ICA1L: variants seen among roughly 807,000 people sequenced by gnomAD.
The protein encoded by ICA1L is islet cell autoantigen 1 like.
In ICA1L, 50 loss-of-function variants were observed where a neutral mutation model predicts 61.3. The ratio of observed to expected loss-of-function variants is 0.82; its 90% CI spans 0.65 to 1.03. The LOEUF is 1.03. ICA1L is among the 50% of genes least tolerant of loss of function. ICA1L has a pLI of 0.00. For missense variants in ICA1L, 508 were observed against 556.7 expected (o/e 0.91, Z 0.88); for synonymous variants, 161 against 191.3 (o/e 0.84, Z 1.31).
At chr2:202,837,687 T>C (rs1349672631) in intron 1 of ICA1L, among the ~76,000 whole-genome samples, 2 of 152,108 alleles carry the variant, frequency 1.3e-5, no homozygotes, top group African/African-American at 2.4e-5. Context: ...GCTTAGTTTG[T>C]TCATCTTTTT....
At chr2:202,800,317 T>C (rs1693056644) in intron 9 of ICA1L, among the ~76,000 whole-genome samples, 1 of 152,172 alleles carries the variant, frequency 6.6e-6, no homozygotes, top group Non-Finnish European at 1.5e-5. Context: ...GCATACTCTT[T>C]TGTGATCAAA....
At position 202,779,455 on chromosome 2, in the gene ICA1L, A is replaced by G. The variant is rs1692325468; in HGVS notation, c.*78T>C. On this transcript the variant is annotated 3_prime_UTR_variant, in exon 13 of 13. Coordinates refer to ENST00000358299, the MANE Select transcript of ICA1L (RefSeq NM_001288622.3). ...CACCGTGCTTTTGTGTGCGGGTTACAATCTAAATCCTTTCCACGAAGGAAA... is the reference window on the plus strand; with the variant it reads ...CACCGTGCTTTTGTGTGCGGGTTACGATCTAAATCCTTTCCACGAAGGAAA... 2.4e-6 allele frequency: 2 copies of G among 845,636 alleles called. No individual in the cohort carries two copies. Among genetic ancestry groups the G allele is most frequent in the Admixed American group, 4.9e-5 (2 of 40,526 alleles). The allele number at this position is 845,636 out of a possible 1,614,324, so 52.4% of individuals were successfully genotyped here.
chr2:202,813,425 C>T (rs924049473), intron 8 of ICA1L, among the ~76,000 whole-genome samples: 6 of 152,028 alleles, frequency 3.9e-5, no homozygotes, highest in African/African-American at 1.4e-4. Flanking sequence ...TGTCTTAGTT[C>T]ATTTTGTGTT....
chr2:202,818,753 A>G (rs1693613702), intron 5 of ICA1L, among the ~76,000 whole-genome samples: 1 of 152,122 alleles, frequency 6.6e-6, no homozygotes, highest in African/African-American at 2.4e-5. Context: ...TTCTATGATG[A>G]TTGTGAGGCC....
intron 1 of ICA1L, among the ~76,000 whole-genome samples, chr2:202,861,883 CAAAAA>C (rs71030996): frequency 7.3e-5 from 3 of 40,924 alleles, no homozygotes; most frequent in East Asian, 7.4e-4. Context: ...GATTCAGACT[CAAAAA>C]AAAAAAAAAA....
At chr2:202,783,742 C>T (rs1318991196) in intron 12 of ICA1L, among the ~76,000 whole-genome samples, 1 of 152,074 alleles carries the variant, frequency 6.6e-6, no homozygotes, top group Non-Finnish European at 1.5e-5. Flanking sequence ...AGATAATGGT[C>T]CTATGGCAAT....
At chr2:202,791,267 C>A (rs1299589250) in intron 10 of ICA1L, among the ~76,000 whole-genome samples, 2 of 151,998 alleles carry the variant, frequency 1.3e-5, no homozygotes, top group Non-Finnish European at 2.9e-5. Flanking sequence ...CTGGAAGAAG[C>A]AAAAATGATA....
rs145290279 is a variant in ICA1L, at chr2:202,783,918, A to G, written c.1333+2000T>C. ...TATGTATATGATGGGGGGGTGGGGA[A>G]GAAAGAGGATGAGTGTAAAGCAAAC... On this transcript the variant is annotated intron_variant, in intron 12 of 12. Transcript: ENST00000358299. Among the ~76,000 whole-genome samples, 259 of 152,166 alleles carry G rather than the reference A, an allele frequency of 1.7e-3. 1 individual carries two copies. Among genetic ancestry groups the G allele is most frequent in the African/African-American group, 5.5e-3 (230 of 41,538 alleles).
intron 1 of ICA1L, among the ~76,000 whole-genome samples, chr2:202,839,558 CTGTGTGTGTGTGTG>C (rs57535958): frequency 0.12 from 13,903 of 114,172 alleles, 912 homozygotes; most frequent in East Asian, 0.28. Flanking sequence ...ACAGTTAAGT[CTGTGTGTGTGTGTG>C]TGTGTGTGTG....
chr2:202,834,345 G>C (rs569499151), intron 1 of ICA1L, among the ~76,000 whole-genome samples: 2 of 152,120 alleles, frequency 1.3e-5, no homozygotes, highest in African/African-American at 4.8e-5. Context: ...AACATGCATA[G>C]AGGCCGGGTG....
chr2:202,802,136 A>T (rs1338349062), intron 9 of ICA1L, among the ~76,000 whole-genome samples: 1 of 152,218 alleles, frequency 6.6e-6, no homozygotes, highest in Non-Finnish European at 1.5e-5. Context: ...ATAAAACAAC[A>T]AATAGAACTT....
In ICA1L at chr2:202,773,397, C is replaced by T. The variant is rs767389986; in HGVS notation, c.*6136G>A. ...ACCAAAGACCTTGAAGCTAAACAAA[C>T]AAAGAAAACAAAATTTCAATGACTC... On this transcript the variant is annotated 3_prime_UTR_variant, in exon 13 of 13. Transcript: ENST00000358299. 6.0e-6 allele frequency: 1 copy of T among 167,706 alleles called. No individual in the cohort carries two copies. Among genetic ancestry groups the T allele is most frequent in the African/African-American group, 2.4e-5 (1 of 41,654 alleles). The allele number at this position is 167,706 out of a possible 1,614,324, so 10.4% of individuals were successfully genotyped here. A position where few individuals can be genotyped will look rare whatever the true frequency, so the allele number is the denominator to read the frequency against.
intron 1 of ICA1L, among the ~76,000 whole-genome samples, chr2:202,835,787 T>C (rs1452617663): frequency 1.3e-5 from 2 of 152,022 alleles, no homozygotes; most frequent in Non-Finnish European, 2.9e-5. Context: ...TGTCTTCCAG[T>C]GATCCTTCCA....
intron 1 of ICA1L, among the ~76,000 whole-genome samples, chr2:202,840,056 AT>A (rs1366857889): frequency 3.8e-5 from 3 of 78,472 alleles, no homozygotes; most frequent in Admixed American, 1.3e-4. Flanking sequence ...CATTATTATT[AT>A]TTTTTTTAAT....
At position 202,778,482 on chromosome 2, in the gene ICA1L, C is replaced by CT. The variant is rs1330886002; in HGVS notation, c.*1050dup. ...GGGAAGTAGAAAAATGAGACACTCC[C>CT]TTATTGATCACACAGAGCTTTCTGT... On this transcript the variant is annotated 3_prime_UTR_variant, in exon 13 of 13. Transcript: ENST00000358299. 1 of 152,092 alleles carries CT rather than the reference C, an allele frequency of 6.6e-6. No individual in the cohort carries two copies. Among genetic ancestry groups the CT allele is most frequent in the Non-Finnish European group, 1.5e-5 (1 of 67,998 alleles). 9.4% of individuals were successfully genotyped at this position (152,092 alleles called of 1,614,324 possible). A position where few individuals can be genotyped will look rare whatever the true frequency, so the allele number is the denominator to read the frequency against.
chr2:202,845,818 T>G (rs553969707), intron 1 of ICA1L, among the ~76,000 whole-genome samples: 3 of 152,296 alleles, frequency 2.0e-5, no homozygotes, highest in African/African-American at 7.2e-5. Context: ...GAACTGATAT[T>G]AATGTGCACA....
At chr2:202,827,877 T>C (rs1332963608) in intron 2 of ICA1L, among the ~76,000 whole-genome samples, 1 of 152,144 alleles carries the variant, frequency 6.6e-6, no homozygotes, top group East Asian at 1.9e-4. Flanking sequence ...TCAAGACCAG[T>C]TTAATTAGAC....
chr2:202,784,282 T>A (rs1692507806), intron 12 of ICA1L, among the ~76,000 whole-genome samples: 1 of 151,686 alleles, frequency 6.6e-6, no homozygotes, highest in South Asian at 2.1e-4. Flanking sequence ...TGAAACCCCA[T>A]CTCTACACAA....
chr2:202,866,317 C>T (rs546226351), intron 1 of ICA1L, among the ~76,000 whole-genome samples: 16 of 152,280 alleles, frequency 1.1e-4, no homozygotes, highest in Middle Eastern at 3.4e-3. Context: ...CCATGCGATG[C>T]CTGCTCCCAC....
Sources: allele counts gnomAD v4.1 joint callset (sites outside exome capture counted in the v4.1 genomes callset), GRCh38; gene constraint gnomAD v4.1.1; transcripts MANE v1.5; gene names NCBI Gene and HGNC (gene_info 2026-07-23, HGNC 2026-07-21).